The following RIMS1 variants were observed in gnomAD, a reference collection of about 807,000 sequenced individuals.
RIMS1 encodes regulating synaptic membrane exocytosis protein 1.
Under a neutral mutation model 214.1 loss-of-function variants are expected in RIMS1, and 83 were observed. That is an observed-to-expected ratio of 0.39 (90% CI 0.32 to 0.47). The LOEUF is 0.47. Ranked by LOEUF, RIMS1 falls within the 20% of genes least tolerant of loss-of-function variation. The probability of loss-of-function intolerance (pLI) is 0.99; values close to 1 mark genes in which losing one functional copy is unlikely to be tolerated. For missense variants in RIMS1, 2,050 were observed against 2,161.8 expected, an observed-to-expected ratio of 0.95 and a Z score of 1.03; for synonymous variants, 793 against 786.8, an observed-to-expected ratio of 1.01 and a Z score of -0.13.
At chr6:72,252,723 C>G in intron 15 of RIMS1, 38 bp from the exon 16 acceptor site, 1 of 1,525,732 alleles carries the variant, frequency 6.6e-7, no homozygotes, top group Non-Finnish European at 8.9e-7. Flanking sequence ...ATAAACCAAC[C>G]AGACACAGAA....
intron 22 of RIMS1, 184 bp downstream of exon 22, chr6:72,266,233 A>G (rs559344149): frequency 3.2e-6 from 2 of 633,796 alleles, no homozygotes; most frequent in Admixed American, 2.3e-5. Context: ...GATAAACCCA[A>G]GGGTACACAT....
chr6:72,332,728 T>TGCCC (rs980836112), intron 28 of RIMS1, among the ~76,000 whole-genome samples: 5 of 151,654 alleles, frequency 3.3e-5, no homozygotes, highest in Non-Finnish European at 5.9e-5. Flanking sequence ...CCTGCTTGCT[T>TGCCC]GCCCTACCTC....
intron 4 of RIMS1, among the ~76,000 whole-genome samples, chr6:72,116,829 C>A (rs888779345): frequency 1.3e-5 from 2 of 152,006 alleles, no homozygotes; most frequent in Non-Finnish European, 2.9e-5. Context: ...AAAACATTAC[C>A]ATTGAAAATA....
Position 72,392,676 on chromosome 6 carries a change from G to A in RIMS1, c.4506-22G>A, listed in dbSNP as rs569453825. ...AAGATTTCATGGGTTTTTTCCTTTG[G>A]TTTTTATCCTTTTGCTGATAGTTTA... On this transcript the variant is annotated intron_variant, in intron 30 of 33. Coordinates refer to ENST00000521978, the MANE Select transcript of RIMS1 (RefSeq NM_014989.7). The A allele has an allele frequency of 1.7e-4, 269 of 1,540,458 alleles. 3 individuals are homozygous for A. The South Asian group carries it at 2.9e-3, about 17-fold the overall frequency.
intron 26 of RIMS1, 86 bp from the exon 27 acceptor site, chr6:72,307,172 T>C: frequency 1.2e-6 from 1 of 830,938 alleles, no homozygotes; most frequent in East Asian, 2.7e-5. Context: ...ATTGAAGTCA[T>C]TTCAAAAGCA....
chr6:72,025,002 C>T (rs752248969), intron 2 of RIMS1, among the ~76,000 whole-genome samples: 9 of 143,434 alleles, frequency 6.3e-5, no homozygotes, highest in Non-Finnish European at 1.4e-4. Flanking sequence ...CTCCTGGGTT[C>T]AAGCAATTCT....
At chr6:72,057,498 CTTTTTTTT>C (rs56115719) in intron 2 of RIMS1, among the ~76,000 whole-genome samples, 4 of 126,208 alleles carry the variant, frequency 3.2e-5, no homozygotes, top group Non-Finnish European at 4.9e-5. Flanking sequence ...CCTTCTTTTT[CTTTTTTTT>C]TTTTTTTTTT....
In RIMS1 at chr6:72,113,565, C is replaced by T. The variant is rs1038908066; in HGVS notation, c.471+13579C>T. On this transcript the variant is annotated intron_variant, in intron 4 of 33. Coordinates refer to ENST00000521978, the MANE Select transcript of RIMS1 (RefSeq NM_014989.7). ...TTAGCTTTTATGTTGACATTTTACA[C>T]GATTAATTTTTAAACTTTCTTTTGA... 7.9e-5 allele frequency among the ~76,000 whole-genome samples: 12 copies of T among 151,978 alleles called. No homozygotes were observed. The South Asian group carries it at 8.3e-4, about 10-fold the overall frequency.
At chr6:72,076,468 C>A (rs1831911172) in intron 2 of RIMS1, among the ~76,000 whole-genome samples, 1 of 152,122 alleles carries the variant, frequency 6.6e-6, no homozygotes, top group Non-Finnish European at 1.5e-5. Context: ...CCTTGAGAGC[C>A]CCACCCATAT....
intron 4 of RIMS1, among the ~76,000 whole-genome samples, chr6:72,107,550 G>C (rs929639581): frequency 1.3e-5 from 2 of 152,060 alleles, no homozygotes; most frequent in African/African-American, 2.4e-5. Context: ...AACAGAGTAA[G>C]ACTCCATCTC....
At chr6:71,969,475 C>A (rs1448925371) in intron 2 of RIMS1, among the ~76,000 whole-genome samples, 1 of 152,118 alleles carries the variant, frequency 6.6e-6, no homozygotes. Context: ...ATTATCTAAC[C>A]CTCAACATAT....
In RIMS1 at chr6:72,144,433, G is replaced by A. The variant is rs546171154; in HGVS notation, c.472-35142G>A. 2.1e-3 allele frequency among the ~76,000 whole-genome samples: 325 copies of A among 152,214 alleles called. 4 individuals are homozygous for A. The highest frequency in any genetic ancestry group is 6.9e-3 in the African/African-American group (288 of 41,534). ...AGTATTTTTCTTGGTCACTTTGCCCGCTGGGGTCCTCCGTGAAGAGACATG... is the reference window on the plus strand; with the variant it reads ...AGTATTTTTCTTGGTCACTTTGCCCACTGGGGTCCTCCGTGAAGAGACATG... On this transcript the variant is annotated intron_variant, in intron 4 of 33. Coordinates refer to ENST00000521978, the MANE Select transcript of RIMS1 (RefSeq NM_014989.7).
chr6:72,100,056 C>T lies in RIMS1; in HGVS notation c.471+70C>T, dbSNP rs1042297490. The T allele has an allele frequency of 9.9e-5, 118 of 1,187,636 alleles. No homozygotes were observed. The highest frequency in any genetic ancestry group is 1.5e-4 in the Non-Finnish European group (117 of 800,706). 73.6% of individuals were successfully genotyped at this position (1,187,636 alleles called of 1,614,324 possible). On this transcript the variant is annotated intron_variant, in intron 4 of 33. Transcript: ENST00000521978. ...TGTGAACTTTATTAAGTGAATGTTG[C>T]ACCTAGTATTGTTAATAACTATATT...
chr6:72,320,013 G>C (rs974148542), intron 28 of RIMS1, among the ~76,000 whole-genome samples: 2 of 152,044 alleles, frequency 1.3e-5, no homozygotes, highest in Non-Finnish European at 2.9e-5. Context: ...AGTCATCCTT[G>C]AATGTCTTCT....
intron 1 of RIMS1, among the ~76,000 whole-genome samples, chr6:71,928,299 G>A (rs965665768): frequency 3.9e-5 from 6 of 152,006 alleles, no homozygotes; most frequent in Admixed American, 6.6e-5. Flanking sequence ...CTTTTATTCA[G>A]AATGTGTAGA....
intron 23 of RIMS1, among the ~76,000 whole-genome samples, chr6:72,279,566 G>T (rs1195805342): frequency 1.3e-5 from 2 of 151,902 alleles, no homozygotes; most frequent in Non-Finnish European, 2.9e-5. Flanking sequence ...GAATAATATT[G>T]TAAAGATAAA....
chr6:72,037,378 TC>T (rs1312853438), intron 2 of RIMS1, among the ~76,000 whole-genome samples: 2 of 152,126 alleles, frequency 1.3e-5, no homozygotes, highest in Non-Finnish European at 2.9e-5. Flanking sequence ...CTTTTGCTGT[TC>T]TAAGGCACAG....
chr6:71,975,660 T>C (rs1352069631), intron 2 of RIMS1, among the ~76,000 whole-genome samples: 1 of 152,156 alleles, frequency 6.6e-6, no homozygotes, highest in Non-Finnish European at 1.5e-5. Flanking sequence ...GCAGCCATCA[T>C]CACTATGTAA....
chr6:71,918,439 G>A (rs954573569), intron 1 of RIMS1, among the ~76,000 whole-genome samples: 35 of 152,300 alleles, frequency 2.3e-4, no homozygotes, highest in African/African-American at 8.4e-4. Flanking sequence ...TAGTACCCTT[G>A]TCAAGAGCAA....
Sources: allele counts gnomAD v4.1 joint callset (sites outside exome capture counted in the v4.1 genomes callset), GRCh38; gene constraint gnomAD v4.1.1; transcripts MANE v1.5; gene names NCBI Gene and HGNC (gene_info 2026-07-23, HGNC 2026-07-21).